Variants in UBA6 observed in about 807,000 individuals in gnomAD.
UBA6 encodes ubiquitin like modifier activating enzyme 6.
Under a neutral mutation model 148.3 loss-of-function variants are expected in UBA6, and 87 were observed. The observed-to-expected ratio is 0.59, with a 90% CI of 0.49 to 0.70. UBA6 has a LOEUF of 0.70. Ranked by LOEUF, UBA6 falls within the 30% of genes least tolerant of loss-of-function variation. The pLI, the probability that UBA6 is intolerant of heterozygous loss-of-function variation, is 0.00. For missense variants in UBA6, 1,186 were observed against 1,241.2 expected, an observed-to-expected ratio of 0.96 and a Z score of 0.67; for synonymous variants, 376 against 401.0, an observed-to-expected ratio of 0.94 and a Z score of 0.75.
intron 5 of UBA6, among the ~76,000 whole-genome samples, chr4:67,678,144 TA>T: frequency 6.8e-6 from 1 of 147,696 alleles, no homozygotes; most frequent in East Asian, 1.9e-4. Flanking sequence ...TGTAAATATA[TA>T]AAAAATTTGA....
chr4:67,686,191 C>G (rs1411723914), intron 2 of UBA6, among the ~76,000 whole-genome samples: 2 of 152,182 alleles, frequency 1.3e-5, no homozygotes, highest in African/African-American at 2.4e-5. Context: ...TTTTTACCCA[C>G]TAGTCTTAGT....
chr4:67,649,934 T>C (rs865987638), intron 13 of UBA6, among the ~76,000 whole-genome samples: 24 of 152,188 alleles, frequency 1.6e-4, no homozygotes, highest in African/African-American at 5.3e-4. Flanking sequence ...TGAAATCCTA[T>C]GTAAAAGAAG....
At chr4:67,640,966 A>T (rs567503992) in intron 18 of UBA6, among the ~76,000 whole-genome samples, 185 bp downstream of exon 18, 2 of 152,222 alleles carry the variant, frequency 1.3e-5, no homozygotes, top group African/African-American at 2.4e-5. Context: ...TTCCAAAATC[A>T]ATGCAAAAAT....
intron 2 of UBA6, among the ~76,000 whole-genome samples, chr4:67,691,299 G>A (rs1266793872): frequency 3.3e-5 from 5 of 151,962 alleles, no homozygotes; most frequent in African/African-American, 4.8e-5. Flanking sequence ...AAAACTATGC[G>A]TACACTTACA....
chr4:67,689,383 C>T (rs187831254), intron 2 of UBA6, among the ~76,000 whole-genome samples: 51 of 152,128 alleles, frequency 3.4e-4, no homozygotes, highest in African/African-American at 1.2e-3. Context: ...AAGTATCAAC[C>T]TTACATATCT....
chr4:67,672,328 C>T (rs1398537810), intron 7 of UBA6, among the ~76,000 whole-genome samples: 4 of 152,142 alleles, frequency 2.6e-5, no homozygotes, highest in Non-Finnish European at 5.9e-5. Context: ...CACCACACAT[C>T]ATATAGACTC....
chr4:67,655,561 G>A (rs1231098627), intron 13 of UBA6, among the ~76,000 whole-genome samples: 1 of 152,182 alleles, frequency 6.6e-6, no homozygotes, highest in Non-Finnish European at 1.5e-5. Context: ...GAAATTTATA[G>A]CACTAAATGC....
chr4:67,678,636 G>A, intron 4 of UBA6, 103 bp from the exon 5 acceptor site: 1 of 505,410 alleles, frequency 2.0e-6, no homozygotes, highest in East Asian at 3.2e-5. Context: ...TGTGTAATTA[G>A]ACAATGAAAA....
chr4:67,636,527 G>A (rs534987422), intron 19 of UBA6, among the ~76,000 whole-genome samples: 9 of 152,332 alleles, frequency 5.9e-5, no homozygotes, highest in South Asian at 2.1e-4. Flanking sequence ...TAGTGCCTGC[G>A]ATTGCAGGCG....
intron 13 of UBA6, among the ~76,000 whole-genome samples, chr4:67,653,964 T>C (rs143759787): frequency 2.5e-3 from 385 of 152,052 alleles, no homozygotes; most frequent in African/African-American, 8.9e-3. Flanking sequence ...TAATAAAATA[T>C]AGCAAGAAGA....
intron 1 of UBA6, 133 bp downstream of exon 1, chr4:67,700,916 C>T: frequency 1.8e-6 from 2 of 1,089,624 alleles, no homozygotes; most frequent in Non-Finnish European, 2.7e-6. Flanking sequence ...GCGCGCCCCT[C>T]GCCTCCCAGG....
chr4:67,668,623 T>C lies in UBA6; in HGVS notation c.721A>G (p.Thr241Ala). The C allele has an allele frequency of 6.2e-7, 1 of 1,613,232 alleles. No individual in the cohort carries two copies. The highest frequency in any genetic ancestry group is 8.5e-7 in the Non-Finnish European group (1 of 1,179,294). The change falls in exon 9 of 33, where the codon ACA becomes GCA. Residue 241 changes from threonine to alanine, a missense_variant. By Grantham distance (58) the Thr-to-Ala change is moderately conservative (BLOSUM62 0). Transcript: ENST00000322244. ...TCTCGAAATGTTAGGAATTGTCCTG[T>C]CTCCAGTTTGTGAGGATGATTTTCA... Reference protein sequence around the residue: ...CLENHPHKLETGQFLTFREIN... With the variant: ...CLENHPHKLEAGQFLTFREIN...
At chr4:67,636,699 T>C (rs1003586565) in intron 19 of UBA6, among the ~76,000 whole-genome samples, 2 of 152,240 alleles carry the variant, frequency 1.3e-5, no homozygotes, top group Non-Finnish European at 1.5e-5. Flanking sequence ...CAGTGCTCAA[T>C]GTTGCCCAGG....
At chr4:67,689,147 A>G (rs1406434119) in intron 2 of UBA6, among the ~76,000 whole-genome samples, 1 of 152,154 alleles carries the variant, frequency 6.6e-6, no homozygotes, top group Non-Finnish European at 1.5e-5. Flanking sequence ...TTATTATAAA[A>G]TAGTCTTTGT....
intron 2 of UBA6, among the ~76,000 whole-genome samples, chr4:67,691,904 T>C (rs907429848): frequency 6.6e-6 from 1 of 152,182 alleles, no homozygotes; most frequent in Non-Finnish European, 1.5e-5. Flanking sequence ...AGCACTGATA[T>C]GGGTGCAGGA....
intron 1 of UBA6, among the ~76,000 whole-genome samples, 194 bp downstream of exon 1, chr4:67,700,855 G>C (rs1730963437): frequency 6.6e-6 from 1 of 152,164 alleles, no homozygotes; most frequent in Non-Finnish European, 1.5e-5. Flanking sequence ...TTTCCCTCAG[G>C]AAAGCCGGCA....
intron 6 of UBA6, among the ~76,000 whole-genome samples, chr4:67,674,683 C>T (rs867048723): frequency 2.0e-5 from 3 of 152,120 alleles, no homozygotes; most frequent in South Asian, 4.1e-4. Context: ...ATCAAAGACT[C>T]GACCCATCAC....
intron 26 of UBA6, 104 bp from the exon 27 acceptor site, chr4:67,629,246 T>C: frequency 1.4e-6 from 1 of 723,964 alleles, no homozygotes; most frequent in African/African-American, 1.8e-5. Flanking sequence ...ATATGAATAT[T>C]TCATTATCTG....
chr4:67,654,816 G>T (rs1170814331), intron 13 of UBA6, among the ~76,000 whole-genome samples: 1 of 148,166 alleles, frequency 6.7e-6, no homozygotes, highest in East Asian at 2.0e-4. Context: ...GAGGCCCATA[G>T]TCTCAAAATA....
Sources: gnomAD v4.1 joint callset for allele counts (sites outside exome capture counted in the v4.1 genomes callset) on GRCh38, gnomAD v4.1.1 for gene constraint, MANE v1.5 for transcripts, NCBI Gene and HGNC (gene_info 2026-07-23, HGNC 2026-07-21) for gene names.